The following HIVEP3 variants were observed in gnomAD, a reference collection of about 807,000 sequenced individuals.
HIVEP3 encodes HIVEP zinc finger 3.
HIVEP3 carries 49 observed loss-of-function variants against 152.8 expected under a neutral mutation model. The observed-to-expected ratio is 0.32, with a 90% CI of 0.26 to 0.41. The LOEUF is 0.41. Ranked by LOEUF, HIVEP3 falls within the 10% of genes least tolerant of loss-of-function variation. The pLI is 1.00. For synonymous variants in HIVEP3, 1,269 were observed against 1,289.0 expected, an observed-to-expected ratio of 0.98 and a Z score of 0.33; for missense variants, 2,790 against 3,103.3, an observed-to-expected ratio of 0.90 and a Z score of 2.40.
chr1:41,893,467 C>T (rs1644479010), intron 1 of HIVEP3, among the ~76,000 whole-genome samples: 1 of 152,142 alleles, frequency 6.6e-6, no homozygotes, highest in Non-Finnish European at 1.5e-5. Context: ...GGGTTGCTAT[C>T]GCTACCTAGT....
chr1:41,885,392 A>G (rs1644329016), intron 1 of HIVEP3, among the ~76,000 whole-genome samples: 1 of 152,134 alleles, frequency 6.6e-6, no homozygotes, highest in Non-Finnish European at 1.5e-5. Context: ...AGGGCCAGTC[A>G]CAGTGGTTCA....
intron 3 of HIVEP3, among the ~76,000 whole-genome samples, chr1:41,593,911 A>G (rs1021000922): frequency 1.3e-5 from 2 of 152,158 alleles, no homozygotes; most frequent in African/African-American, 4.8e-5. Flanking sequence ...CCCAACTTCT[A>G]GAGGGTACCT....
At chr1:41,670,035 C>T (rs1645850394) in intron 2 of HIVEP3, among the ~76,000 whole-genome samples, 1 of 152,170 alleles carries the variant, frequency 6.6e-6, no homozygotes, top group African/African-American at 2.4e-5. Context: ...CTAGCAGAGG[C>T]CTCACTCCCT....
chr1:41,813,329 C>T (rs1024351794), intron 1 of HIVEP3, among the ~76,000 whole-genome samples: 1 of 152,232 alleles, frequency 6.6e-6, no homozygotes, highest in Non-Finnish European at 1.5e-5. Context: ...CACTAGGCGC[C>T]AATCTTGCCC....
At position 41,770,761 on chromosome 1, in the gene HIVEP3, A is replaced by G. The variant is rs1273735661; in HGVS notation, c.-800-69766T>C. ...AAGACTAACTGTCACAGAATGCAGG[A>G]CACTAAGGAGGTATGACCCCCACCC... On this transcript the variant is annotated intron_variant, in intron 1 of 8. Coordinates refer to ENST00000372583, the MANE Select transcript of HIVEP3 (RefSeq NM_024503.5). 2.0e-5 allele frequency among the ~76,000 whole-genome samples: 3 copies of G among 152,334 alleles called. No homozygotes were observed. The East Asian group carries it at 5.8e-4, about 29-fold the overall frequency.
chr1:41,986,502 G>T (rs778550333), intron 1 of HIVEP3, among the ~76,000 whole-genome samples: 3 of 148,002 alleles, frequency 2.0e-5, no homozygotes, highest in Non-Finnish European at 1.5e-5. Flanking sequence ...CTGCAGTGGC[G>T]CTATGTCGGC....
At chr1:41,512,690 AATT>A in intron 8 of HIVEP3, 123 bp downstream of exon 8, 1 of 786,556 alleles carries the variant, frequency 1.3e-6, no homozygotes, top group Non-Finnish European at 1.9e-6. Context: ...ATGTTTGCGA[AATT>A]ATTAATAACT....
At chr1:41,609,264 C>T (rs1376263097) in intron 3 of HIVEP3, among the ~76,000 whole-genome samples, 1 of 152,210 alleles carries the variant, frequency 6.6e-6, no homozygotes, top group Non-Finnish European at 1.5e-5. Flanking sequence ...ATGGTGTCTG[C>T]CCTTAGGGGG....
chr1:41,958,515 A>C (rs1645152141), intron 1 of HIVEP3, among the ~76,000 whole-genome samples: 1 of 152,220 alleles, frequency 6.6e-6, no homozygotes, highest in Admixed American at 6.5e-5. Flanking sequence ...ATAAAGTAGA[A>C]GAGGTACACC....
chr1:41,669,719 T>C (rs1477332991), intron 2 of HIVEP3, among the ~76,000 whole-genome samples: 7 of 152,226 alleles, frequency 4.6e-5, no homozygotes, highest in African/African-American at 1.7e-4. Context: ...TTCCTGGGCC[T>C]CAGGCCTTCA....
chr1:41,832,666 T>G (rs1433599860), intron 1 of HIVEP3, among the ~76,000 whole-genome samples: 1 of 152,258 alleles, frequency 6.6e-6, no homozygotes, highest in Non-Finnish European at 1.5e-5. Context: ...CACAAAGCAG[T>G]GGTGCCTGGC....
upstream of HIVEP3, among the ~76,000 whole-genome samples, chr1:41,923,160 C>T (rs1570814135): frequency 6.6e-6 from 1 of 152,230 alleles, no homozygotes; most frequent in East Asian, 1.9e-4. Flanking sequence ...ATAATGGTTA[C>T]TACATGGTAG....
rs771972983 is a variant in HIVEP3 at position 41,512,925 on chromosome 1, G to A, written c.6296C>T (p.Ala2099Val). 2.8e-5 allele frequency: 45 copies of A among 1,596,116 alleles called. No homozygotes were observed. Among genetic ancestry groups the A allele is most frequent in the Admixed American group, 1.1e-4 (6 of 57,042 alleles). The change falls in exon 8 of 9, where the codon GCG becomes GTG. Residue 2099 changes from alanine to valine, a missense_variant. Coordinates refer to ENST00000372583, the MANE Select transcript of HIVEP3 (RefSeq NM_024503.5). ...WALAGPGSPS[A>V]GEHGPGLGLD... ...CCCCAAGCCTGGGCCATGCTCCCCC[G>A]CTGAGGGGCTGCCCGGCCCAGCCAA...
At chr1:41,671,691 C>A (rs1266029607) in intron 2 of HIVEP3, among the ~76,000 whole-genome samples, 1 of 152,250 alleles carries the variant, frequency 6.6e-6, no homozygotes, top group African/African-American at 2.4e-5. Context: ...TCCATCCCCA[C>A]ACCCACAGCT....
intron 1 of HIVEP3, among the ~76,000 whole-genome samples, chr1:41,800,929 C>T (rs2124312138): frequency 6.6e-6 from 1 of 152,284 alleles, no homozygotes; most frequent in South Asian, 2.1e-4. Flanking sequence ...ACCTAAACTC[C>T]CTCCCTCCCT....
rs544238226 is a variant in HIVEP3, at chr1:41,810,301, C to T, written c.-801+108112G>A. ...TGCTTATCTCAAATAACTAAGTCACCTCCACTGAAGAAGTGCGATCAACCA... is the reference window on the plus strand; with the variant it reads ...TGCTTATCTCAAATAACTAAGTCACTTCCACTGAAGAAGTGCGATCAACCA... On this transcript the variant is annotated intron_variant, in intron 1 of 8. Coordinates refer to ENST00000372583, the MANE Select transcript of HIVEP3 (RefSeq NM_024503.5). 1.1e-4 allele frequency among the ~76,000 whole-genome samples: 17 copies of T among 152,332 alleles called. 1 individual carries two copies. The South Asian group carries it at 3.5e-3, about 32-fold the overall frequency.
intron 5 of HIVEP3, among the ~76,000 whole-genome samples, chr1:41,529,188 T>A (rs2149060153): frequency 1.6e-5 from 1 of 61,432 alleles, no homozygotes; most frequent in Admixed American, 1.9e-4. Context: ...ACCCTCACAC[T>A]CACATGCTTA....
At position 41,995,557 on chromosome 1, in the gene HIVEP3, C is replaced by T. The variant is rs149799693; in HGVS notation, n.119+40250G>A. ...GATCCCAGATGAAAGATCTGAGATACAATAAGAAAAGCAGAAAAAGTAACA... is the reference window on the plus strand; with the variant it reads ...GATCCCAGATGAAAGATCTGAGATATAATAAGAAAAGCAGAAAAAGTAACA... On this transcript the variant is annotated intron_variant and non_coding_transcript_variant, in intron 1 of 3. Transcript: ENST00000489103. Among the ~76,000 whole-genome samples, 6 of 151,866 alleles carry T rather than the reference C, an allele frequency of 4.0e-5. No homozygotes were observed. In the East Asian group the frequency reaches 1.2e-3, roughly 29 times the overall value.
intron 3 of HIVEP3, among the ~76,000 whole-genome samples, chr1:41,613,050 A>T (rs1245096432): frequency 1.3e-5 from 2 of 152,242 alleles, no homozygotes; most frequent in Non-Finnish European, 2.9e-5. Context: ...AGGGCAGAGG[A>T]TTCCCTGGGC....
Sources: gnomAD v4.1 joint callset for allele counts (sites outside exome capture counted in the v4.1 genomes callset) on GRCh38, gnomAD v4.1.1 for gene constraint, MANE v1.5 for transcripts, NCBI Gene and HGNC (gene_info 2026-07-23, HGNC 2026-07-21) for gene names.